The following DTHD1 variants were observed in gnomAD, a reference collection of about 807,000 sequenced individuals.
DTHD1 encodes the protein death domain-containing protein 1.
DTHD1 carries 59 observed loss-of-function variants against 74.8 expected under a neutral mutation model. The observed-to-expected ratio is 0.79, with a 90% CI of 0.64 to 0.98. The LOEUF is 0.98. Ranked by LOEUF, DTHD1 falls within the 50% of genes least tolerant of loss-of-function variation. DTHD1 has a pLI of 0.00. For synonymous variants in DTHD1, 365 were observed against 371.1 expected (o/e 0.98, Z 0.19); for missense variants, 1,051 against 1,065.4 (o/e 0.99, Z 0.19).
chr4:36,338,895 A>G (rs959101182), intron 8 of DTHD1, among the ~76,000 whole-genome samples: 3 of 152,232 alleles, frequency 2.0e-5, no homozygotes, highest in African/African-American at 7.2e-5. Context: ...GGGTATTCTT[A>G]AATTTAAATG....
chr4:36,337,077 G>C (rs113996766), intron 8 of DTHD1, among the ~76,000 whole-genome samples: 2 of 152,106 alleles, frequency 1.3e-5, no homozygotes, highest in Non-Finnish European at 2.9e-5. Flanking sequence ...TTGGCTGACT[G>C]TTCTGCTTGT....
chr4:36,306,229 C>T lies in DTHD1; in HGVS notation c.1682C>T (p.Ala561Val), dbSNP rs1310097041. 6.4e-7 allele frequency: 1 copy of T among 1,551,700 alleles called. No homozygotes were observed. Among genetic ancestry groups the T allele is most frequent in the East Asian group, 2.4e-5 (1 of 40,892 alleles). Residue 561 changes from alanine to valine, a missense_variant, in exon 6 of 10, where the codon GCC becomes GTC. Transcript: ENST00000639862. ...IASIRKPRKNASECLKLLGFR... is the reference protein window; with the variant it reads ...IASIRKPRKNVSECLKLLGFR... ...TCCATAAGAAAACCTAGGAAAAATG[C>T]CAGTGAATGTTTGAAATTACTGGGA...
At chr4:36,330,110 T>C (rs565322931) in intron 8 of DTHD1, among the ~76,000 whole-genome samples, 1 of 152,322 alleles carries the variant, frequency 6.6e-6, no homozygotes, top group African/African-American at 2.4e-5. Flanking sequence ...TCTAATGGCA[T>C]TGTATATGCT....
chr4:36,286,637 T>C (rs2109443225), intron 2 of DTHD1, among the ~76,000 whole-genome samples: 1 of 152,304 alleles, frequency 6.6e-6, no homozygotes, highest in African/African-American at 2.4e-5. Flanking sequence ...CAGAAATGGA[T>C]GGTTGGGTGA....
chr4:36,306,951 C>T (rs536220155), intron 6 of DTHD1, among the ~76,000 whole-genome samples: 3 of 152,172 alleles, frequency 2.0e-5, no homozygotes, highest in Non-Finnish European at 4.4e-5. Flanking sequence ...TTGGGTGAAT[C>T]CTGTAGGGCA....
Position 36,345,204 on chromosome 4 carries a change from G to A in DTHD1, c.*1380G>A, listed in dbSNP as rs1759529054. On this transcript the variant is annotated 3_prime_UTR_variant, in exon 10 of 10. Transcript: ENST00000639862. ...ATCATTAAAAATAAACAAAACATCTGTAAATAGAACATTAAAATGAAAGAA... is the reference window on the plus strand; with the variant it reads ...ATCATTAAAAATAAACAAAACATCTATAAATAGAACATTAAAATGAAAGAA... 1 of 152,066 alleles carries A rather than the reference G, an allele frequency of 6.6e-6. No homozygotes were observed. Among genetic ancestry groups the A allele is most frequent in the Non-Finnish European group, 1.5e-5 (1 of 67,992 alleles). The allele number at this position is 152,066 out of a possible 1,614,324, so 9.4% of individuals were successfully genotyped here.
In DTHD1 at chr4:36,293,715, T is replaced by A; in HGVS notation, c.1398+10T>A. On this transcript the variant is annotated intron_variant, in intron 4 of 9. Transcript: ENST00000639862. The stretch of plus-strand genomic sequence containing the variant: ...GCTGGTGCAGTTAAAGGTAAACATA[T>A]TAAAAATAGGTGAGTTCCTGCTCAT... The A allele has an allele frequency of 6.7e-7, 1 of 1,488,634 alleles. No homozygotes were observed. Among genetic ancestry groups the A allele is most frequent in the Non-Finnish European group, 9.0e-7 (1 of 1,108,032 alleles). 92.2% of individuals were successfully genotyped at this position (1,488,634 alleles called of 1,614,324 possible). A position where few individuals can be genotyped will look rare whatever the true frequency, so the allele number is the denominator to read the frequency against.
chr4:36,297,150 G>A (rs1756469720), intron 5 of DTHD1, among the ~76,000 whole-genome samples: 1 of 152,194 alleles, frequency 6.6e-6, no homozygotes, highest in Non-Finnish European at 1.5e-5. Context: ...CTGAGGAGGA[G>A]GAAGAGGAGG....
At chr4:36,283,060 T>G (rs937853399) in intron 1 of DTHD1, among the ~76,000 whole-genome samples, 3 of 152,160 alleles carry the variant, frequency 2.0e-5, no homozygotes, top group African/African-American at 4.8e-5. Context: ...AAGCCCTGAC[T>G]GGTGAAGGGA....
intron 9 of DTHD1, among the ~76,000 whole-genome samples, chr4:36,342,161 G>C (rs1249903627): frequency 1.3e-5 from 2 of 152,120 alleles, no homozygotes; most frequent in Non-Finnish European, 2.9e-5. Flanking sequence ...GACGTGGATG[G>C]GACGAGAAAA....
chr4:36,325,563 A>G (rs1439319124), intron 8 of DTHD1, among the ~76,000 whole-genome samples: 1 of 152,226 alleles, frequency 6.6e-6, no homozygotes. Flanking sequence ...ATGTAAGATC[A>G]TGACAGTAAA....
At chr4:36,339,029 T>G in intron 8 of DTHD1, 83 bp from the exon 9 acceptor site, 1 of 1,103,024 alleles carries the variant, frequency 9.1e-7, no homozygotes, top group South Asian at 1.4e-5. Context: ...GAAACAGAGA[T>G]GATGTTCAGA....
At chr4:36,337,328 G>A (rs1032682386) in intron 8 of DTHD1, among the ~76,000 whole-genome samples, 4 of 152,246 alleles carry the variant, frequency 2.6e-5, no homozygotes, top group South Asian at 2.1e-4. Flanking sequence ...TGTGCATCAG[G>A]TGAAGTACTT....
intron 8 of DTHD1, among the ~76,000 whole-genome samples, chr4:36,338,359 G>A (rs535395174): frequency 2.0e-5 from 3 of 152,082 alleles, no homozygotes; most frequent in African/African-American, 4.8e-5. Flanking sequence ...ATTTTTCCAC[G>A]AAAGAACATT....
intron 9 of DTHD1, among the ~76,000 whole-genome samples, chr4:36,342,319 T>C (rs920055777): frequency 6.6e-6 from 1 of 151,930 alleles, no homozygotes; most frequent in Non-Finnish European, 1.5e-5. Flanking sequence ...AAAATCAGGG[T>C]GCAATTTACA....
In DTHD1 at chr4:36,308,211, G is replaced by T. The variant is rs1209838308; in HGVS notation, c.1813G>T (p.Val605Leu). ...ELYEHLERFI[V>L]LHLSSTMDNS... ...CCTCTTTCTTCCATGCAGGTTTATT[G>T]TACTTCACCTCTCTTCCACCATGGA... Residue 605 changes from valine to leucine, a missense_variant, in exon 7 of 10, where the codon GTA becomes TTA. Transcript: ENST00000639862. The T allele has an allele frequency of 6.4e-7, 1 of 1,552,038 alleles. No homozygotes were observed. The highest frequency in any genetic ancestry group is 2.0e-5 in the Admixed American group (1 of 50,992).
In DTHD1 at chr4:36,295,055, AT is replaced by A; in HGVS notation, c.1643+17del. On this transcript the variant is annotated intron_variant, in intron 5 of 9. Coordinates refer to ENST00000639862, the MANE Select transcript of DTHD1 (RefSeq NM_001170700.3). Reference sequence around the variant, plus strand: ...ATTTCAACCGGTGAGTAAGTTTCTAATATTGTAAACTGGCTTAATGTCAAAC... The same window carrying A: ...ATTTCAACCGGTGAGTAAGTTTCTAAATTGTAAACTGGCTTAATGTCAAAC... The A allele has an allele frequency of 1.3e-6, 2 of 1,516,578 alleles. No individual in the cohort carries two copies. The highest frequency in any genetic ancestry group is 1.8e-6 in the Non-Finnish European group (2 of 1,125,230). The allele number at this position is 1,516,578 out of a possible 1,614,324, so 93.9% of individuals were successfully genotyped here. A position where few individuals can be genotyped will look rare whatever the true frequency, so the allele number is the denominator to read the frequency against.
In DTHD1 at chr4:36,343,743, T is replaced by A; in HGVS notation, c.2640T>A (p.Asp880Glu). 2 of 1,551,514 alleles carry A rather than the reference T, an allele frequency of 1.3e-6. No homozygotes were observed. The highest frequency in any genetic ancestry group is 2.4e-5 in the East Asian group (1 of 40,916). Reference protein sequence around the residue: ...ARHLRKIGRSDLAEELKFKWE... With the variant: ...ARHLRKIGRSELAEELKFKWE... ...ATCTCCGCAAGATTGGCAGGAGTGA[T>A]CTTGCAGAAGAGCTCAAATTCAAGT... Residue 880 changes from aspartate (D) to glutamate (E), a missense_variant, in exon 10 of 10, where the codon GAT (aspartate) becomes GAA (glutamate). Asp to Glu is a conservative substitution (Grantham distance 45). Transcript: ENST00000639862.
chr4:36,283,035 C>A (rs1156911801), intron 1 of DTHD1, among the ~76,000 whole-genome samples: 1 of 152,164 alleles, frequency 6.6e-6, no homozygotes, highest in Non-Finnish European at 1.5e-5. Flanking sequence ...GTTGTCAGAA[C>A]TGGATCCCAA....
Sources: gnomAD v4.1 joint callset for allele counts (sites outside exome capture counted in the v4.1 genomes callset) on GRCh38, gnomAD v4.1.1 for gene constraint, MANE v1.5 for transcripts, NCBI Gene and HGNC (gene_info 2026-07-23, HGNC 2026-07-21) for gene names.